Variants in GRIA1 observed in about 807,000 individuals in gnomAD.
The protein encoded by GRIA1 is glutamate ionotropic receptor AMPA type subunit 1.
In GRIA1, 31 loss-of-function variants were observed where a neutral mutation model predicts 99.2. The observed-to-expected ratio is 0.31, with a 90% confidence interval of 0.23 to 0.42. The LOEUF (loss-of-function observed/expected upper bound fraction) is 0.42. Ranked by LOEUF, GRIA1 falls within the 10% of genes least tolerant of loss-of-function variation. The pLI is 1.00. For missense variants in GRIA1, 782 were observed against 1,157.5 expected (o/e 0.68, Z 4.71); for synonymous variants, 438 against 432.4 (o/e 1.01, Z -0.16).
intron 13 of GRIA1, among the ~76,000 whole-genome samples, chr5:153,776,403 C>T (rs190108734): frequency 1.2e-4 from 19 of 152,224 alleles, no homozygotes; most frequent in East Asian, 5.8e-4. Flanking sequence ...TGGAAAAATA[C>T]GGGATTTACC....
intron 11 of GRIA1, among the ~76,000 whole-genome samples, chr5:153,723,005 C>T (rs1308966467): frequency 1.3e-5 from 2 of 152,200 alleles, no homozygotes; most frequent in Non-Finnish European, 2.9e-5. Context: ...CATCCTTTAG[C>T]ATCCAAACTT....
At chr5:153,740,007 C>T (rs1761666974) in intron 11 of GRIA1, among the ~76,000 whole-genome samples, 1 of 152,224 alleles carries the variant, frequency 6.6e-6, no homozygotes, top group African/African-American at 2.4e-5. Context: ...AAAATATATG[C>T]TGATTGCTAA....
intron 13 of GRIA1, among the ~76,000 whole-genome samples, chr5:153,775,046 A>G (rs1422873331): frequency 6.6e-6 from 1 of 152,218 alleles, no homozygotes; most frequent in Non-Finnish European, 1.5e-5. Flanking sequence ...GTTGTAGATA[A>G]AGACCTATGC....
At chr5:153,733,562 G>A (rs766617198) in intron 11 of GRIA1, among the ~76,000 whole-genome samples, 3 of 152,102 alleles carry the variant, frequency 2.0e-5, no homozygotes, top group Non-Finnish European at 4.4e-5. Flanking sequence ...AAAAGATATA[G>A]AGTGGCTGAA....
chr5:153,543,639 T>C (rs2113503420), intron 2 of GRIA1, among the ~76,000 whole-genome samples: 1 of 152,294 alleles, frequency 6.6e-6, no homozygotes, highest in East Asian at 1.9e-4. Flanking sequence ...TGTTTTCTAA[T>C]CTTAAGATTC....
intron 7 of GRIA1, among the ~76,000 whole-genome samples, chr5:153,682,423 T>C (rs529589782): frequency 6.6e-6 from 1 of 152,142 alleles, no homozygotes; most frequent in Non-Finnish European, 1.5e-5. Flanking sequence ...TTCTGAACCT[T>C]CTCCTAGGCC....
rs150421813 is a variant in GRIA1, at chr5:153,584,295, C to T, written c.221-62633C>T. 1.8e-3 allele frequency among the ~76,000 whole-genome samples: 272 copies of T among 152,314 alleles called. 1 individual carries two copies. Among genetic ancestry groups the T allele is most frequent in the African/African-American group, 6.4e-3 (265 of 41,566 alleles). The stretch of plus-strand genomic sequence containing the variant: ...CACTAACATGTGGTATATATTAACA[C>T]GATCCTCTCTTGGGTTAGCATGTGG... On this transcript the variant is annotated intron_variant, in intron 2 of 15. Coordinates refer to ENST00000285900, the MANE Select transcript of GRIA1 (RefSeq NM_000827.4).
At chr5:153,677,693 C>A (rs1756688111) in intron 7 of GRIA1, among the ~76,000 whole-genome samples, 1 of 152,192 alleles carries the variant, frequency 6.6e-6, no homozygotes, top group South Asian at 2.1e-4. Context: ...CACGCCAACT[C>A]CAATCAATTG....
chr5:153,490,539 T>A, upstream of GRIA1: 1 of 364,402 alleles, frequency 2.7e-6, no homozygotes, highest in East Asian at 6.6e-5. Flanking sequence ...GCTTGCTGCC[T>A]GTGTGAGTGT....
At position 153,627,426 on chromosome 5, in the gene GRIA1, T is replaced by C. The variant is rs529212911; in HGVS notation, c.221-19502T>C. 3.6e-4 allele frequency among the ~76,000 whole-genome samples: 55 copies of C among 152,194 alleles called. 1 individual carries two copies. The highest frequency in any genetic ancestry group is 1.2e-3 in the South Asian group (6 of 4,814). On this transcript the variant is annotated intron_variant, in intron 2 of 15. Coordinates refer to ENST00000285900, the MANE Select transcript of GRIA1 (RefSeq NM_000827.4). ...AACCACTCAGGTGTCTAGCCCAGAGTAGACACAGGCACGTGAGCCCAAGTG... is the reference window on the plus strand; with the variant it reads ...AACCACTCAGGTGTCTAGCCCAGAGCAGACACAGGCACGTGAGCCCAAGTG...
At position 153,745,507 on chromosome 5, in the gene GRIA1, T is replaced by C. The variant is rs180723893; in HGVS notation, c.1824-18927T>C. ...GGGAGGCTGAGGCAGGAGAATTGCT[T>C]GAACCCAGGAGGCAGAGGTTACAGT... On this transcript the variant is annotated intron_variant, in intron 11 of 15. Coordinates refer to ENST00000285900, the MANE Select transcript of GRIA1 (RefSeq NM_000827.4). Among the ~76,000 whole-genome samples the C allele has an allele frequency of 3.3e-4, 49 of 147,426 alleles. 1 individual carries two copies. The highest frequency in any genetic ancestry group is 2.1e-3 in the South Asian group (10 of 4,736).
chr5:153,703,029 G>A (rs1758642164), intron 10 of GRIA1, among the ~76,000 whole-genome samples: 1 of 152,200 alleles, frequency 6.6e-6, no homozygotes, highest in African/African-American at 2.4e-5. Flanking sequence ...ACCCAGTGAA[G>A]CTCCAGTGAG....
chr5:153,765,421 T>TAGGA (rs1425393291), intron 12 of GRIA1, among the ~76,000 whole-genome samples: 1 of 152,210 alleles, frequency 6.6e-6, no homozygotes, highest in African/African-American at 2.4e-5. Flanking sequence ...CATATACCAT[T>TAGGA]AGGACTTCAA....
intron 2 of GRIA1, among the ~76,000 whole-genome samples, chr5:153,552,177 CT>C (rs1760208823): frequency 6.6e-6 from 1 of 151,546 alleles, no homozygotes; most frequent in Non-Finnish European, 1.5e-5. Context: ...AGAAAATTGA[CT>C]TTGCGATCAA....
At chr5:153,706,983 T>G (rs1416263573) in intron 11 of GRIA1, among the ~76,000 whole-genome samples, 1 of 152,084 alleles carries the variant, frequency 6.6e-6, no homozygotes, top group Non-Finnish European at 1.5e-5. Flanking sequence ...CTGGATGTGG[T>G]GGCAGGTGCC....
chr5:153,708,374 C>T (rs369148973), intron 11 of GRIA1, among the ~76,000 whole-genome samples: 26 of 152,276 alleles, frequency 1.7e-4, no homozygotes, highest in African/African-American at 6.3e-4. Flanking sequence ...GATTTTCAAA[C>T]TATGCTTTCC....
chr5:153,555,768 A>T (rs575320236), intron 2 of GRIA1, among the ~76,000 whole-genome samples: 41 of 152,332 alleles, frequency 2.7e-4, no homozygotes, highest in Middle Eastern at 6.8e-3. Flanking sequence ...AAGGAGACTC[A>T]GGTGTACACT....
chr5:153,547,973 G>A (rs1006037202), intron 2 of GRIA1, among the ~76,000 whole-genome samples: 3 of 152,060 alleles, frequency 2.0e-5, no homozygotes, highest in African/African-American at 7.2e-5. Context: ...CTAGATTTTT[G>A]ACATACCCCA....
intron 2 of GRIA1, among the ~76,000 whole-genome samples, chr5:153,527,803 TC>T (rs1337418247): frequency 6.6e-6 from 1 of 152,234 alleles, no homozygotes; most frequent in African/African-American, 2.4e-5. Context: ...TTTTTGTATA[TC>T]TTCGTTGGTG....
Sources: gnomAD v4.1 joint callset for allele counts (sites outside exome capture counted in the v4.1 genomes callset) on GRCh38, gnomAD v4.1.1 for gene constraint, MANE v1.5 for transcripts, NCBI Gene and HGNC (gene_info 2026-07-23, HGNC 2026-07-21) for gene names.